The following TENM4 variants were observed in gnomAD, a reference collection of about 807,000 sequenced individuals.
The protein encoded by TENM4 is teneurin-4.
A neutral mutation model predicts 243.3 loss-of-function variants in TENM4; 82 were observed. That is an observed-to-expected ratio of 0.34 (90% CI 0.28 to 0.40). The LOEUF is 0.40. Among genes scored for constraint, TENM4 ranks in the 10% least tolerant of loss-of-function variants. The probability of loss-of-function intolerance (pLI) is 1.00; values close to 1 mark genes in which losing one functional copy is unlikely to be tolerated. For synonymous variants in TENM4, 1,412 were observed against 1,456.3 expected (o/e 0.97, Z 0.69); for missense variants, 3,138 against 3,673.3 (o/e 0.85, Z 3.77).
intron 9 of TENM4, among the ~76,000 whole-genome samples, chr11:78,877,347 GTT>G (rs1859293051): frequency 6.6e-6 from 1 of 152,202 alleles, no homozygotes; most frequent in Non-Finnish European, 1.5e-5. Flanking sequence ...GCAGACTTAA[GTT>G]TGGCCCCTTC....
At chr11:78,969,172 G>A (rs1173002766) in intron 6 of TENM4, among the ~76,000 whole-genome samples, 1 of 152,176 alleles carries the variant, frequency 6.6e-6, no homozygotes, top group African/African-American at 2.4e-5. Context: ...CTGTCATAGA[G>A]AGAACATGGT....
At chr11:78,804,375 A>T (rs1201651706) in intron 15 of TENM4, among the ~76,000 whole-genome samples, 1 of 152,152 alleles carries the variant, frequency 6.6e-6, no homozygotes, top group Non-Finnish European at 1.5e-5. Context: ...GGTATACTGT[A>T]GGGGCTCAGT....
At chr11:79,426,929 C>A (rs1023004962) in intron 1 of TENM4, among the ~76,000 whole-genome samples, 1 of 152,144 alleles carries the variant, frequency 6.6e-6, no homozygotes, top group Non-Finnish European at 1.5e-5. Flanking sequence ...ACTGCAGATA[C>A]CTTCACAGAT....
intron 6 of TENM4, among the ~76,000 whole-genome samples, chr11:78,935,117 T>C (rs1856756783): frequency 7.0e-6 from 1 of 142,948 alleles, no homozygotes; most frequent in Non-Finnish European, 1.5e-5. Flanking sequence ...GTTCACGCCA[T>C]TCTCCTGCCT....
intron 16 of TENM4, among the ~76,000 whole-genome samples, chr11:78,785,341 G>C (rs1856913280): frequency 6.6e-6 from 1 of 152,176 alleles, no homozygotes; most frequent in Admixed American, 6.5e-5. Flanking sequence ...GCTCTGTTGA[G>C]GGTGGAGGCT....
intron 1 of TENM4, among the ~76,000 whole-genome samples, chr11:79,347,198 G>A (rs1053454439): frequency 6.6e-6 from 1 of 152,156 alleles, no homozygotes; most frequent in Non-Finnish European, 1.5e-5. Context: ...TGCAGGCCAC[G>A]TCAAAAATGT....
At chr11:78,785,612 C>T (rs1236456398) in intron 16 of TENM4, among the ~76,000 whole-genome samples, 1 of 152,094 alleles carries the variant, frequency 6.6e-6, no homozygotes, top group African/African-American at 2.4e-5. Context: ...TAAAATAATG[C>T]AGCTAAAGTT....
rs547007591 is a variant in TENM4 at position 78,769,881 on chromosome 11, T to C, written c.2539+1111A>G. Among the ~76,000 whole-genome samples, 26 of 152,346 alleles carry C rather than the reference T, an allele frequency of 1.7e-4. No individual in the cohort carries two copies. The East Asian group carries it at 1.9e-3, about 11-fold the overall frequency. On this transcript the variant is annotated intron_variant, in intron 18 of 33. Transcript: ENST00000278550. The stretch of plus-strand genomic sequence containing the variant: ...ACTCAAGGCAAATAAACCACAGAAA[T>C]CACAACATCACACACTTGGCCTTTT...
At chr11:79,342,008 T>C (rs929341848) in intron 1 of TENM4, among the ~76,000 whole-genome samples, 2 of 152,138 alleles carry the variant, frequency 1.3e-5, no homozygotes, top group Non-Finnish European at 2.9e-5. Flanking sequence ...CACAGAAGCA[T>C]TGGGTGCAAT....
At chr11:78,708,265 T>C in intron 27 of TENM4, 96 bp downstream of exon 27, 2 of 1,530,904 alleles carry the variant, frequency 1.3e-6, no homozygotes, top group Non-Finnish European at 1.8e-6. Flanking sequence ...TTTAAAGGCT[T>C]ATCAGTGCAA....
intron 2 of TENM4, among the ~76,000 whole-genome samples, chr11:79,271,871 G>A (rs576448381): frequency 1.1e-3 from 167 of 152,266 alleles, no homozygotes; most frequent in African/African-American, 3.9e-3. Context: ...AAGGAGAGAA[G>A]GGGAAGCAAA....
Position 78,903,527 on chromosome 11 carries a change from G to C in TENM4, c.494-4C>G, listed in dbSNP as rs1298988184. The C allele has an allele frequency of 6.5e-7, 1 of 1,545,558 alleles. No homozygotes were observed. The highest frequency in any genetic ancestry group is 2.0e-5 in the Admixed American group (1 of 50,732). On this transcript the variant is annotated splice_region_variant and splice_polypyrimidine_tract_variant and intron_variant, in intron 6 of 33. Coordinates refer to ENST00000278550, the MANE Select transcript of TENM4 (RefSeq NM_001098816.3). The stretch of plus-strand genomic sequence containing the variant: ...TTCTGCAGGCCGCCCGGATGATCTA[G>C]GGCACAAACATGGCGGTCAGCGGCG...
In TENM4 at chr11:78,804,067, G is replaced by A. The variant is rs139196201; in HGVS notation, c.2179+1225C>T. Among the ~76,000 whole-genome samples the A allele has an allele frequency of 4.6e-5, 7 of 152,240 alleles. No individual in the cohort carries two copies. In the East Asian group the frequency reaches 1.3e-3, roughly 29 times the overall value. Reference sequence around the variant, plus strand: ...CCAAAGGTCTCAGCCATCTTTCTTGGTCACAACCAGAACTGTTAATACACA... The same window carrying A: ...CCAAAGGTCTCAGCCATCTTTCTTGATCACAACCAGAACTGTTAATACACA... On this transcript the variant is annotated intron_variant, in intron 15 of 33. Coordinates refer to ENST00000278550, the MANE Select transcript of TENM4 (RefSeq NM_001098816.3).
rs561984475 is a variant in TENM4, at chr11:79,395,160, A to C, written c.-321+45349T>G. ...CCCAAACAGATGAGCCAAGTGTTGC[A>C]ACACAGAGAAAAAAACAACTAATTC... On this transcript the variant is annotated intron_variant, in intron 1 of 33. Transcript: ENST00000278550. 4.6e-5 allele frequency among the ~76,000 whole-genome samples: 7 copies of C among 152,338 alleles called. No individual in the cohort carries two copies. The East Asian group carries it at 1.3e-3, about 29-fold the overall frequency.
intron 3 of TENM4, among the ~76,000 whole-genome samples, chr11:79,154,874 G>T (rs1379501793): frequency 6.6e-6 from 1 of 152,156 alleles, no homozygotes; most frequent in Non-Finnish European, 1.5e-5. Context: ...TGTCCTCAGG[G>T]GGCCAAGCAT....
intron 28 of TENM4, among the ~76,000 whole-genome samples, chr11:78,698,266 G>C (rs771663426): frequency 1.3e-5 from 2 of 152,076 alleles, no homozygotes; most frequent in African/African-American, 4.8e-5. Flanking sequence ...GCCGGGCGTC[G>C]TGGCAGATGC....
intron 2 of TENM4, among the ~76,000 whole-genome samples, chr11:79,225,420 C>T (rs1398780725): frequency 6.6e-6 from 1 of 152,122 alleles, no homozygotes; most frequent in Non-Finnish European, 1.5e-5. Context: ...TTATGTCCTC[C>T]TGCTTTTTTT....
At chr11:78,833,213 A>G (rs1858022544) in intron 12 of TENM4, among the ~76,000 whole-genome samples, 1 of 152,254 alleles carries the variant, frequency 6.6e-6, no homozygotes, top group African/African-American at 2.4e-5. Flanking sequence ...AAAAAATAAC[A>G]GTCTTCTGCT....
At chr11:79,426,994 CCT>C (rs987297320) in intron 1 of TENM4, among the ~76,000 whole-genome samples, 2 of 152,102 alleles carry the variant, frequency 1.3e-5, no homozygotes, top group African/African-American at 4.8e-5. Flanking sequence ...ACCATCTACC[CCT>C]GTGTGATGCA....
Sources: allele counts gnomAD v4.1 joint callset (sites outside exome capture counted in the v4.1 genomes callset), GRCh38; gene constraint gnomAD v4.1.1; transcripts MANE v1.5; gene names NCBI Gene and HGNC (gene_info 2026-07-23, HGNC 2026-07-21).